FBXO25: variants seen among roughly 807,000 people sequenced by gnomAD.
FBXO25 encodes the protein F-box protein 25.
FBXO25 carries 45 observed loss-of-function variants against 51.9 expected under a neutral mutation model. That is an observed-to-expected ratio of 0.87 (90% CI 0.68 to 1.11). The LOEUF (loss-of-function observed/expected upper bound fraction) is 1.11. Ranked by LOEUF, FBXO25 falls within the 50% of genes most tolerant of loss-of-function variation. The pLI is 0.00. For synonymous variants in FBXO25, 199 were observed against 151.0 expected (o/e 1.32, Z -2.33); for missense variants, 507 against 428.5 (o/e 1.18, Z -1.62).
rs1323101779 is a variant in FBXO25 at position 451,268 on chromosome 8, G to C, written c.476-1G>C. The C allele has an allele frequency of 6.3e-7, 1 of 1,590,234 alleles. No homozygotes were observed. The highest frequency in any genetic ancestry group is 8.5e-7 in the Non-Finnish European group (1 of 1,172,564). ...CATAGTTTTATTTTTATTTATTCCA[G>C]TTCTTGATGACCACCACAATCCTCG... On this transcript the variant is annotated splice_acceptor_variant, in intron 6 of 9. Transcript: ENST00000350302. LOFTEE classifies it high-confidence loss of function.
At chr8:429,334 G>A (rs987805532) in intron 2 of FBXO25, among the ~76,000 whole-genome samples, 1 of 152,090 alleles carries the variant, frequency 6.6e-6, no homozygotes, top group East Asian at 1.9e-4. Context: ...CTTGGCTGCT[G>A]TGTCTCTTCT....
chr8:468,739 G>A lies in FBXO25; in HGVS notation c.1012G>A (p.Ala338Thr). 1 of 1,613,948 alleles carries A rather than the reference G, an allele frequency of 6.2e-7. No individual in the cohort carries two copies. The highest frequency in any genetic ancestry group is 8.5e-7 in the Non-Finnish European group (1 of 1,180,000). ...GGACTCAGGACACCCCTGCACGGCGGCCGACCCTGACAGCTGCTTCACGCC... is the reference window on the plus strand; with the variant it reads ...GGACTCAGGACACCCCTGCACGGCGACCGACCCTGACAGCTGCTTCACGCC... ...WKDSGHPCTAADPDSCFTPVS... is the reference protein window; with the variant it reads ...WKDSGHPCTATDPDSCFTPVS... The change falls in exon 10 of 10, where the codon GCC (alanine) becomes ACC (threonine). Residue 338 changes from alanine to threonine, a missense_variant. Physicochemically the swap from Ala to Thr is moderately conservative, Grantham distance 58. Coordinates refer to ENST00000350302, the MANE Select transcript of FBXO25 (RefSeq NM_183420.2).
At chr8:427,467 A>T (rs1383985061) in intron 2 of FBXO25, among the ~76,000 whole-genome samples, 1 of 151,344 alleles carries the variant, frequency 6.6e-6, no homozygotes, top group Non-Finnish European at 1.5e-5. Context: ...GGTAGCATAT[A>T]TGTACCTTTC....
intron 2 of FBXO25, among the ~76,000 whole-genome samples, chr8:416,255 C>T (rs1796793955): frequency 6.6e-6 from 1 of 152,234 alleles, no homozygotes; most frequent in African/African-American, 2.4e-5. Context: ...CAAACTCCTT[C>T]ACTCTACTCT....
intron 7 of FBXO25, among the ~76,000 whole-genome samples, chr8:457,591 C>G (rs1799530047): frequency 6.6e-6 from 1 of 152,102 alleles, no homozygotes; most frequent in Admixed American, 6.5e-5. Context: ...CAGGAGGAGT[C>G]CATTGTGGAG....
In FBXO25 at chr8:475,635, C is replaced by CTTAAG. The variant is rs1800620596; in HGVS notation, c.*6834_*6838dup. Reference sequence around the variant, plus strand: ...TTTTCAAGTACAAGTCTTTTGCTTCCTTAAGTTTATTCCTAAATATTTCAG... The same window carrying CTTAAG: ...TTTTCAAGTACAAGTCTTTTGCTTCCTTAAGTTAAGTTTATTCCTAAATATTTCAG... On this transcript the variant is annotated 3_prime_UTR_variant, in exon 10 of 10. Transcript: ENST00000350302. The CTTAAG allele has an allele frequency of 6.6e-6, 1 of 152,062 alleles. No individual in the cohort carries two copies. The highest frequency in any genetic ancestry group is 2.4e-5 in the African/African-American group (1 of 41,418). 9.4% of individuals were successfully genotyped at this position (152,062 alleles called of 1,614,324 possible). A position where few individuals can be genotyped will look rare whatever the true frequency, so the allele number is the denominator to read the frequency against.
Position 451,313 on chromosome 8 carries a change from C to T in FBXO25, c.520C>T (p.Gln174Ter). Reference sequence around the variant, plus strand: ...TCCTCGCTTAATCAAAGATCTTCTGCAAGACCTAAGCTCTACCCTCTGCAT... The same window carrying T: ...TCCTCGCTTAATCAAAGATCTTCTGTAAGACCTAAGCTCTACCCTCTGCAT... ...HNPRLIKDLL[Q>*]DLSSTLCILI... The change falls in exon 7 of 10, where the codon CAA becomes TAA. Residue 174 changes from glutamine (Q) to a stop codon, truncating the protein, a stop_gained. Transcript: ENST00000350302. LOFTEE classifies it high-confidence loss of function. The T allele has an allele frequency of 1.2e-6, 2 of 1,611,620 alleles. No individual in the cohort carries two copies. Among genetic ancestry groups the T allele is most frequent in the Non-Finnish European group, 8.5e-7 (1 of 1,179,364 alleles).
Position 474,841 on chromosome 8 carries a change from T to A in FBXO25, c.*6037T>A, listed in dbSNP as rs765499832. 130 of 445,936 alleles carry A rather than the reference T, an allele frequency of 2.9e-4. No individual in the cohort carries two copies. Among genetic ancestry groups the A allele is most frequent in the African/African-American group, 2.5e-3 (124 of 49,142 alleles). 27.6% of individuals were successfully genotyped at this position (445,936 alleles called of 1,614,324 possible). On this transcript the variant is annotated 3_prime_UTR_variant, in exon 10 of 10. Transcript: ENST00000350302. ...TTGATGTACAGAAGTTGTTTCTTTC[T>A]TTTAGTTACCTGTGTGTGCCTCTGG...
intron 6 of FBXO25, 124 bp downstream of exon 6, chr8:450,207 T>A: frequency 5.3e-6 from 3 of 565,724 alleles, no homozygotes; most frequent in Non-Finnish European, 8.9e-6. Flanking sequence ...GTAAATAATG[T>A]GATAACATCA....
rs1585120489 is a variant in FBXO25, at chr8:472,038, C to T, written c.*3234C>T. On this transcript the variant is annotated 3_prime_UTR_variant, in exon 10 of 10. Transcript: ENST00000350302. ...CTATGAATAGACAGTTTCACTTCTT[C>T]CTCTCAGTCTAGATGTCCTTTATTC... The T allele has an allele frequency of 6.6e-6, 1 of 152,182 alleles. No individual in the cohort carries two copies. The highest frequency in any genetic ancestry group is 1.5e-5 in the Non-Finnish European group (1 of 68,028). The allele number at this position is 152,182 out of a possible 1,614,324, so 9.4% of individuals were successfully genotyped here. A position where few individuals can be genotyped will look rare whatever the true frequency, so the allele number is the denominator to read the frequency against.
At chr8:442,938 C>T (rs1798519079) in intron 5 of FBXO25, among the ~76,000 whole-genome samples, 1 of 152,116 alleles carries the variant, frequency 6.6e-6, no homozygotes, top group Non-Finnish European at 1.5e-5. Flanking sequence ...CCTATAATTA[C>T]CCCCATAAAA....
Position 472,422 on chromosome 8 carries a change from G to GT in FBXO25, c.*3618_*3619insT, listed in dbSNP as rs1800511400. ...CAAAGCCCACTAAGTCATGGTTTAT[G>GT]ATACCTTTTATACATAGCTGTTAGA... On this transcript the variant is annotated 3_prime_UTR_variant, in exon 10 of 10. Coordinates refer to ENST00000350302, the MANE Select transcript of FBXO25 (RefSeq NM_183420.2). 6.6e-6 allele frequency: 1 copy of GT among 152,210 alleles called. No individual in the cohort carries two copies. The highest frequency in any genetic ancestry group is 6.5e-5 in the Admixed American group (1 of 15,282). The allele number at this position is 152,210 out of a possible 1,614,324, so 9.4% of individuals were successfully genotyped here. A position where few individuals can be genotyped will look rare whatever the true frequency, so the allele number is the denominator to read the frequency against.
At chr8:429,186 C>G (rs946834470) in intron 2 of FBXO25, among the ~76,000 whole-genome samples, 1 of 152,042 alleles carries the variant, frequency 6.6e-6, no homozygotes, top group Non-Finnish European at 1.5e-5. Flanking sequence ...AGTTTCCCCA[C>G]ATGCATGTCA....
At chr8:451,004 G>A (rs890290904) in intron 6 of FBXO25, 1 of 289,298 alleles carries the variant, frequency 3.5e-6, no homozygotes, top group African/African-American at 2.2e-5. Context: ...TTATGTAAGT[G>A]GGTGCCTCAT....
chr8:420,985 A>G (rs1410625914), intron 2 of FBXO25, among the ~76,000 whole-genome samples: 17 of 152,356 alleles, frequency 1.1e-4, no homozygotes, highest in Admixed American at 9.8e-4. Context: ...ATGGTATTAC[A>G]AACTTATCCC....
rs1444769509 is a variant in FBXO25 at position 427,756 on chromosome 8, C to A, written c.135-3585C>A. 2.0e-5 allele frequency among the ~76,000 whole-genome samples: 3 copies of A among 150,378 alleles called. No homozygotes were observed. In the East Asian group the frequency reaches 5.8e-4, roughly 29 times the overall value. ...TCACAAATATTGGTCATTTTTCTTA[C>A]TGGTAACAAAAGTTTTGTGACATAT... On this transcript the variant is annotated intron_variant, in intron 2 of 9. Transcript: ENST00000350302.
intron 1 of FBXO25, among the ~76,000 whole-genome samples, chr8:409,031 C>T (rs187684948): frequency 1.3e-5 from 2 of 152,236 alleles, no homozygotes; most frequent in East Asian, 1.9e-4. Flanking sequence ...CAAATACATT[C>T]CCATTGAAAG....
Position 476,233 on chromosome 8 carries a change from T to C in FBXO25, c.*7429T>C, listed in dbSNP as rs1244696487. 6.6e-6 allele frequency: 1 copy of C among 152,214 alleles called. No homozygotes were observed. The highest frequency in any genetic ancestry group is 1.5e-5 in the Non-Finnish European group (1 of 68,030). 9.4% of individuals were successfully genotyped at this position (152,214 alleles called of 1,614,324 possible). A position where few individuals can be genotyped will look rare whatever the true frequency, so the allele number is the denominator to read the frequency against. ...GTAAATCTTACTTGGCCATGATGTG[T>C]AATCCTTTCAATGTCCCACTGAATC... On this transcript the variant is annotated 3_prime_UTR_variant, in exon 10 of 10. Coordinates refer to ENST00000350302, the MANE Select transcript of FBXO25 (RefSeq NM_183420.2).
rs368566452 is a variant in FBXO25, at chr8:417,228, G to A, written c.134+4015G>A. On this transcript the variant is annotated intron_variant, in intron 2 of 9. Transcript: ENST00000350302. ...AAGGACTTGGGCTTTTCTGAGTGATGTGGGGAGTCAGGGGTTTGAGTAGAA... is the reference window on the plus strand; with the variant it reads ...AAGGACTTGGGCTTTTCTGAGTGATATGGGGAGTCAGGGGTTTGAGTAGAA... Among the ~76,000 whole-genome samples, 13 of 152,348 alleles carry A rather than the reference G, an allele frequency of 8.5e-5. No individual in the cohort carries two copies. The South Asian group carries it at 2.5e-3, about 29-fold the overall frequency.
Sources: allele counts gnomAD v4.1 joint callset (sites outside exome capture counted in the v4.1 genomes callset), GRCh38; gene constraint gnomAD v4.1.1; transcripts MANE v1.5; gene names NCBI Gene and HGNC (gene_info 2026-07-23, HGNC 2026-07-21).